Variants in BRINP3 observed in about 807,000 individuals in gnomAD.
BRINP3 encodes BMP/retinoic acid inducible neural specific 3, also known as BMP/retinoic acid-inducible neural-specific protein 3.
In BRINP3, 19 loss-of-function variants were observed where a neutral mutation model predicts 71.0. That is an observed-to-expected ratio of 0.27 (90% confidence interval 0.19 to 0.39). The LOEUF is 0.39. BRINP3 is among the 10% of genes least tolerant of loss of function. The pLI is 1.00. For missense variants in BRINP3, 959 were observed against 940.8 expected (o/e 1.02, Z -0.25); for synonymous variants, 380 against 337.7 (o/e 1.13, Z -1.37).
intron 2 of BRINP3, among the ~76,000 whole-genome samples, chr1:190,331,184 C>T (rs563807476): frequency 2.6e-5 from 4 of 151,848 alleles, no homozygotes; most frequent in South Asian, 4.2e-4. Context: ...GGCATTATGG[C>T]GTTCTCATCA....
intron 2 of BRINP3, among the ~76,000 whole-genome samples, chr1:190,443,298 G>C (rs1308013890): frequency 6.6e-6 from 1 of 151,302 alleles, no homozygotes; most frequent in Non-Finnish European, 1.5e-5. Context: ...CCAGTTACTC[G>C]GGAGGCTGAG....
At chr1:190,400,569 G>T (rs1236668461) in intron 2 of BRINP3, among the ~76,000 whole-genome samples, 1 of 152,126 alleles carries the variant, frequency 6.6e-6, no homozygotes, top group Non-Finnish European at 1.5e-5. Flanking sequence ...ACTTACATGT[G>T]ATTGGTTACA....
At chr1:190,391,207 C>T (rs567973920) in intron 2 of BRINP3, among the ~76,000 whole-genome samples, 4 of 151,852 alleles carry the variant, frequency 2.6e-5, no homozygotes, top group East Asian at 1.9e-4. Context: ...TTGTTACCCT[C>T]TTGGTCATCA....
intron 2 of BRINP3, among the ~76,000 whole-genome samples, chr1:190,344,278 C>A (rs1278880511): frequency 6.6e-6 from 1 of 151,720 alleles, no homozygotes; most frequent in Admixed American, 6.6e-5. Context: ...GAGTCTGTTA[C>A]TTCAATACTT....
chr1:190,452,928 C>A (rs944985051), intron 2 of BRINP3, among the ~76,000 whole-genome samples: 9 of 152,238 alleles, frequency 5.9e-5, no homozygotes, highest in Admixed American at 5.9e-4. Context: ...AGCTAAACCA[C>A]AACAATCACA....
In BRINP3 at chr1:190,369,225, A is replaced by T. The variant is rs569931095; in HGVS notation, c.236+85430T>A. Reference sequence around the variant, plus strand: ...ATCTTTTGTTGTTATTATAATCGGGACTCCAACATCATATTTCAGTGCGAA... The same window carrying T: ...ATCTTTTGTTGTTATTATAATCGGGTCTCCAACATCATATTTCAGTGCGAA... On this transcript the variant is annotated intron_variant, in intron 2 of 7. Coordinates refer to ENST00000367462, the MANE Select transcript of BRINP3 (RefSeq NM_199051.3). Among the ~76,000 whole-genome samples, 5 of 152,164 alleles carry T rather than the reference A, an allele frequency of 3.3e-5. No individual in the cohort carries two copies. In the East Asian group the frequency reaches 9.7e-4, roughly 29 times the overall value.
At chr1:190,272,101 A>C (rs148742499) in intron 3 of BRINP3, among the ~76,000 whole-genome samples, 18 of 151,666 alleles carry the variant, frequency 1.2e-4, no homozygotes, top group African/African-American at 4.3e-4. Flanking sequence ...CAGGAGATTT[A>C]AAAGTCTTTT....
intron 2 of BRINP3, among the ~76,000 whole-genome samples, chr1:190,322,874 G>A (rs1245122139): frequency 6.6e-6 from 1 of 151,998 alleles, no homozygotes; most frequent in Non-Finnish European, 1.5e-5. Context: ...TAAGTTTCAA[G>A]CAGTAATGAT....
At chr1:190,205,679 T>C (rs1655433536) in intron 6 of BRINP3, among the ~76,000 whole-genome samples, 1 of 152,030 alleles carries the variant, frequency 6.6e-6, no homozygotes, top group Non-Finnish European at 1.5e-5. Flanking sequence ...TACTTCCAAA[T>C]ATGTTTAGGG....
rs182072854 is a variant in BRINP3, at chr1:190,223,066, G to A, written c.961+3016C>T. On this transcript the variant is annotated intron_variant, in intron 6 of 7. Transcript: ENST00000367462. Reference sequence around the variant, plus strand: ...CATCAAAATGAAGCTCAGGATCATTGGCTTCACTGCTAACTCTACCAAAAT... The same window carrying A: ...CATCAAAATGAAGCTCAGGATCATTAGCTTCACTGCTAACTCTACCAAAAT... Among the ~76,000 whole-genome samples the A allele has an allele frequency of 6.6e-5, 10 of 151,970 alleles. No homozygotes were observed. The East Asian group carries it at 1.7e-3, about 26-fold the overall frequency.
intron 4 of BRINP3, among the ~76,000 whole-genome samples, chr1:190,238,272 T>C (rs753042283): frequency 6.6e-6 from 1 of 151,984 alleles, no homozygotes; most frequent in Non-Finnish European, 1.5e-5. Context: ...TTCTGATATC[T>C]TAACATTTAA....
chr1:190,419,918 A>G (rs1673260521), intron 2 of BRINP3, among the ~76,000 whole-genome samples: 4 of 152,072 alleles, frequency 2.6e-5, no homozygotes, highest in Admixed American at 2.6e-4. Context: ...CTGGTTTCAA[A>G]TGGGGTTGGC....
intron 3 of BRINP3, among the ~76,000 whole-genome samples, chr1:190,277,102 TA>T (rs1662634507): frequency 8.6e-6 from 1 of 115,618 alleles, no homozygotes; most frequent in African/African-American, 2.9e-5. Flanking sequence ...TATATATATA[TA>T]TATATATATA....
intron 2 of BRINP3, among the ~76,000 whole-genome samples, chr1:190,431,705 T>G (rs1448548610): frequency 6.6e-6 from 1 of 152,090 alleles, no homozygotes; most frequent in Non-Finnish European, 1.5e-5. Flanking sequence ...ATGTGAAGAT[T>G]TCACTTCAAA....
At chr1:190,367,631 G>C (rs538864519) in intron 2 of BRINP3, among the ~76,000 whole-genome samples, 1 of 152,214 alleles carries the variant, frequency 6.6e-6, no homozygotes, top group South Asian at 2.1e-4. Flanking sequence ...AAACTTTTAT[G>C]CTATGCCTCC....
intron 7 of BRINP3, among the ~76,000 whole-genome samples, chr1:190,124,973 A>T (rs2102331180): frequency 6.6e-6 from 1 of 152,210 alleles, no homozygotes; most frequent in Non-Finnish European, 1.5e-5. Context: ...GCAATGTACC[A>T]TGAGTCAGAG....
chr1:190,476,530 T>C (rs1439233086), intron 1 of BRINP3, among the ~76,000 whole-genome samples: 1 of 152,194 alleles, frequency 6.6e-6, no homozygotes, highest in Non-Finnish European at 1.5e-5. Context: ...GGTGATAATC[T>C]TGTCAGTTAA....
intron 1 of BRINP3, among the ~76,000 whole-genome samples, chr1:190,464,236 T>C (rs1170438483): frequency 1.3e-5 from 2 of 151,806 alleles, no homozygotes; most frequent in Non-Finnish European, 2.9e-5. Flanking sequence ...ATTTATCTAA[T>C]GAGGGGCTAC....
At chr1:190,401,376 C>CAAAAAAAAAAAA (rs762938571) in intron 2 of BRINP3, among the ~76,000 whole-genome samples, 6 of 89,334 alleles carry the variant, frequency 6.7e-5, no homozygotes, top group East Asian at 3.4e-4. Context: ...CATCTCAAAA[C>CAAAAAAAAAAAA]AAAAAAAAAA....
Sources: gnomAD v4.1 joint callset for allele counts (sites outside exome capture counted in the v4.1 genomes callset) on GRCh38, gnomAD v4.1.1 for gene constraint, MANE v1.5 for transcripts, NCBI Gene and HGNC (gene_info 2026-07-23, HGNC 2026-07-21) for gene names.